PPP2R5C: variants seen among roughly 807,000 people sequenced by gnomAD.
PPP2R5C encodes the protein protein phosphatase 2 regulatory subunit B'gamma.
A neutral mutation model predicts 68.9 loss-of-function variants in PPP2R5C; 7 were observed. That is an observed-to-expected ratio of 0.10 (90% confidence interval 0.06 to 0.19). PPP2R5C has a LOEUF of 0.19. PPP2R5C is among the 10% of genes least tolerant of loss of function. PPP2R5C has a pLI of 1.00. For missense variants in PPP2R5C, 348 were observed against 641.3 expected (o/e 0.54, Z 4.94); for synonymous variants, 210 against 222.2 (o/e 0.95, Z 0.49).
At chr14:101,865,304 G>A (rs994184442) in intron 2 of PPP2R5C, among the ~76,000 whole-genome samples, 3 of 152,226 alleles carry the variant, frequency 2.0e-5, no homozygotes, top group African/African-American at 4.8e-5. Context: ...TTTTCCTTCC[G>A]TGTCCCATGT....
intron 5 of PPP2R5C, among the ~76,000 whole-genome samples, chr14:101,884,926 C>T (rs1162964656): frequency 6.6e-6 from 1 of 152,250 alleles, no homozygotes; most frequent in Non-Finnish European, 1.5e-5. Flanking sequence ...ATAGAGGAAA[C>T]AGTTCCTGTT....
At chr14:101,810,355 TG>T (rs1437582240) in intron 1 of PPP2R5C, 5 of 243,288 alleles carry the variant, frequency 2.1e-5, no homozygotes, top group Non-Finnish European at 4.0e-5. Flanking sequence ...AGGTATTGGG[TG>T]GGGGTAGGAA....
Position 101,882,032 on chromosome 14 carries a change from T to G in PPP2R5C, c.295-129T>G. ...CTGAGGACCCACACAGCTTCTGCGTTTTGAGGATACGGAGGAGCTAAGTTA... is the reference window on the plus strand; with the variant it reads ...CTGAGGACCCACACAGCTTCTGCGTGTTGAGGATACGGAGGAGCTAAGTTA... On this transcript the variant is annotated intron_variant, in intron 2 of 13. Transcript: ENST00000334743. This position sits in a 1 kb window ranked among gnomAD's most constrained non-coding sequence, Gnocchi z 4.9. 1.5e-6 allele frequency: 1 copy of G among 681,734 alleles called. No individual in the cohort carries two copies. The highest frequency in any genetic ancestry group is 2.3e-6 in the Non-Finnish European group (1 of 430,138). 42.2% of individuals were successfully genotyped at this position (681,734 alleles called of 1,614,324 possible).
At chr14:101,847,663 CTT>C (rs3043777) in intron 1 of PPP2R5C, among the ~76,000 whole-genome samples, 4 of 128,272 alleles carry the variant, frequency 3.1e-5, no homozygotes, top group African/African-American at 8.9e-5. Context: ...TGGGGCTGCT[CTT>C]TTTTTTTTTT....
At chr14:101,811,025 C>A (rs2039327196) in intron 1 of PPP2R5C, among the ~76,000 whole-genome samples, 1 of 152,162 alleles carries the variant, frequency 6.6e-6, no homozygotes, top group Non-Finnish European at 1.5e-5. Flanking sequence ...AGGGTGGGAG[C>A]AAGATTTCTA....
chr14:101,884,004 T>C (rs1217035868), intron 5 of PPP2R5C, among the ~76,000 whole-genome samples: 1 of 152,166 alleles, frequency 6.6e-6, no homozygotes, highest in Non-Finnish European at 1.5e-5. Flanking sequence ...AGACCCACAA[T>C]AGGCTGTCTG....
At chr14:101,911,396 C>T (rs1352882631) in intron 11 of PPP2R5C, among the ~76,000 whole-genome samples, 2 of 152,124 alleles carry the variant, frequency 1.3e-5, no homozygotes, top group African/African-American at 2.4e-5. Context: ...AGGAAAGGGC[C>T]GGGGAGACAG....
chr14:101,788,505 A>G (rs1162190705), intron 3 of PPP2R5C, among the ~76,000 whole-genome samples: 1 of 152,132 alleles, frequency 6.6e-6, no homozygotes, highest in African/African-American at 2.4e-5. Flanking sequence ...CTCTTTCTAC[A>G]TCTGTTCTAC....
intron 2 of PPP2R5C, among the ~76,000 whole-genome samples, chr14:101,857,880 G>A (rs1170997565): frequency 1.3e-5 from 2 of 152,032 alleles, no homozygotes; most frequent in African/African-American, 4.8e-5. Context: ...AGAATTGACT[G>A]GACTTCTTGA....
At chr14:101,792,669 A>G (rs752123343) in intron 3 of PPP2R5C, among the ~76,000 whole-genome samples, 29 of 152,156 alleles carry the variant, frequency 1.9e-4, no homozygotes, top group Non-Finnish European at 4.0e-4. Context: ...GTGTGTTTTC[A>G]TGTACCAAAA....
upstream of PPP2R5C, chr14:101,809,830 C>T (rs1417901397): frequency 7.0e-7 from 1 of 1,428,078 alleles, no homozygotes; most frequent in Non-Finnish European, 9.2e-7. Context: ...CATCACGAAC[C>T]AGCCAGTTCC....
At chr14:101,779,659 G>T (rs769947512) in intron 2 of PPP2R5C, among the ~76,000 whole-genome samples, 1 of 152,100 alleles carries the variant, frequency 6.6e-6, no homozygotes, top group South Asian at 2.1e-4. Flanking sequence ...GGGAGACAGC[G>T]GCTGAGCTCA....
intron 1 of PPP2R5C, among the ~76,000 whole-genome samples, chr14:101,830,757 T>A (rs1355536580): frequency 2.6e-5 from 4 of 152,152 alleles, no homozygotes. Context: ...AATAGAAAAT[T>A]CAGTTTCATC....
Position 101,809,943 on chromosome 14 carries a change from A to ATG in PPP2R5C, c.3_4dup (p.Leu2?). 1 of 1,613,332 alleles carries ATG rather than the reference A, an allele frequency of 6.2e-7. No homozygotes were observed. The highest frequency in any genetic ancestry group is 8.5e-7 in the Non-Finnish European group (1 of 1,179,780). On this transcript the variant is annotated frameshift_variant and start_lost, in exon 1 of 14. Coordinates refer to ENST00000334743, the Ensembl canonical transcript of PPP2R5C. LOFTEE classifies it high-confidence loss of function. Reference sequence around the variant, plus strand: ...CATTGCCTTTCCCGCTGAAGTCTAGATGTTGACATGTAATAAAGCGGGCAG... The same window carrying ATG: ...CATTGCCTTTCCCGCTGAAGTCTAGATGTGTTGACATGTAATAAAGCGGGCAG...
intron 1 of PPP2R5C, among the ~76,000 whole-genome samples, chr14:101,855,682 G>T (rs1319766877): frequency 6.6e-6 from 1 of 152,216 alleles, no homozygotes; most frequent in Non-Finnish European, 1.5e-5. Flanking sequence ...ATGTCAGTCA[G>T]TCCCGTTTAT....
chr14:101,871,198 G>A (rs1186541413), intron 2 of PPP2R5C, among the ~76,000 whole-genome samples: 1 of 145,812 alleles, frequency 6.9e-6, no homozygotes, highest in Non-Finnish European at 1.5e-5. Flanking sequence ...ATAGCGTATT[G>A]TTGAGTCTTG....
intron 2 of PPP2R5C, among the ~76,000 whole-genome samples, chr14:101,880,494 C>T (rs1170436343): frequency 2.0e-5 from 3 of 152,128 alleles, no homozygotes; most frequent in African/African-American, 7.2e-5. Flanking sequence ...GTATCAATAC[C>T]AGTAAAGAAG....
intron 2 of PPP2R5C, among the ~76,000 whole-genome samples, chr14:101,876,940 CTTTTTT>C (rs11318528): frequency 3.3e-5 from 3 of 90,892 alleles, no homozygotes; most frequent in African/African-American, 1.5e-4. Flanking sequence ...AGGATTTACG[CTTTTTT>C]TTTTTTTTTT....
intron 13 of PPP2R5C, among the ~76,000 whole-genome samples, chr14:101,923,605 A>G (rs2047128878): frequency 6.6e-6 from 1 of 152,218 alleles, no homozygotes; most frequent in African/African-American, 2.4e-5. Context: ...GATTCTCCTA[A>G]AACCCTCACG....
Sources: gnomAD v4.1 joint callset for allele counts (sites outside exome capture counted in the v4.1 genomes callset) on GRCh38, gnomAD v4.1.1 for gene constraint, Gnocchi (gnomAD v3.1) non-coding constraint, MANE v1.5 for transcripts, NCBI Gene and HGNC (gene_info 2026-07-23, HGNC 2026-07-21) for gene names.